BCL6: variants seen among roughly 807,000 people sequenced by gnomAD.
BCL6 encodes BCL6 transcription repressor.
Under a neutral mutation model 59.5 loss-of-function variants are expected in BCL6, and 7 were observed. The observed-to-expected ratio is 0.12, with a 90% CI of 0.07 to 0.22. The LOEUF is 0.22. Among genes scored for constraint, BCL6 ranks in the 10% least tolerant of loss-of-function variants. The pLI is 1.00. For missense variants in BCL6, 685 were observed against 939.4 expected (o/e 0.73, Z 3.54); for synonymous variants, 339 against 349.7 (o/e 0.97, Z 0.34).
At chr3:187,722,735 A>G in intron 9 of BCL6, 134 bp from the exon 10 acceptor site, 1 of 1,101,208 alleles carries the variant, frequency 9.1e-7, no homozygotes, top group Non-Finnish European at 1.3e-6. Context: ...CAGGTGAAGA[A>G]CCCATATGCA....
intron 9 of BCL6, 85 bp downstream of exon 9, chr3:187,724,856 C>T: frequency 3.8e-6 from 6 of 1,569,864 alleles, no homozygotes; most frequent in Non-Finnish European, 5.2e-6. Flanking sequence ...TGCCTCCCTG[C>T]TCCACCTCCT....
At chr3:187,727,004 A>C (rs1172163557) in intron 6 of BCL6, 106 bp from the exon 7 acceptor site, 12 of 1,303,758 alleles carry the variant, frequency 9.2e-6, no homozygotes, top group Non-Finnish European at 1.3e-5. Flanking sequence ...CTGAACTCTC[A>C]GTCCCTCACT....
Position 187,726,873 on chromosome 3 carries a change from C to G in BCL6, c.1566G>C (p.Glu522Asp), listed in dbSNP as rs199997559. Residue 522 changes from glutamate to aspartate, a missense_variant, in exon 7 of 10, where the codon GAG becomes GAC. Transcript: ENST00000406870. ...SCENGAFFCN[E>D]CDCRFSEEAS... Reference sequence around the variant, plus strand: ...CCTCCTCAGAGAAGCGGCAGTCACACTCATTGCAGAAGAAGGCCCCGTTCT... The same window carrying G: ...CCTCCTCAGAGAAGCGGCAGTCACAGTCATTGCAGAAGAAGGCCCCGTTCT... The G allele has an allele frequency of 1.2e-6, 2 of 1,614,162 alleles. No individual in the cohort carries two copies. Among genetic ancestry groups the G allele is most frequent in the African/African-American group, 2.7e-5 (2 of 75,044 alleles).
chr3:187,726,805 G>A lies in BCL6; in HGVS notation c.1634C>T (p.Pro545Leu). The change falls in exon 7 of 10, where the codon CCC becomes CTC. Residue 545 changes from proline to leucine, a missense_variant. Pro to Leu is a moderately conservative substitution (Grantham distance 98). Coordinates refer to ENST00000406870, the MANE Select transcript of BCL6 (RefSeq NM_001706.5). ...GGCCTGGCAGCGGTCACACTTGTAG[G>A]GTTTGTCACTGTGGGTCTGCAGCGT... ...RHTLQTHSDK[P>L]YKCDRCQASF... The A allele has an allele frequency of 6.2e-7, 1 of 1,614,230 alleles. No individual in the cohort carries two copies. Among genetic ancestry groups the A allele is most frequent in the South Asian group, 1.1e-5 (1 of 91,088 alleles).
rs146354064 is a variant in BCL6 at position 187,742,192 on chromosome 3, G to A, written c.-50+3218C>T. 2.3e-3 allele frequency among the ~76,000 whole-genome samples: 354 copies of A among 152,126 alleles called. 2 individuals carry two copies. Among genetic ancestry groups the A allele is most frequent in the African/African-American group, 8.3e-3 (343 of 41,478 alleles). Reference sequence around the variant, plus strand: ...ACTTTTGCCAATAGTTTCACCCACCGAGGGGTGGCGCTGCTGCACCGCCTC... The same window carrying A: ...ACTTTTGCCAATAGTTTCACCCACCAAGGGGTGGCGCTGCTGCACCGCCTC... On this transcript the variant is annotated intron_variant, in intron 1 of 9. Transcript: ENST00000406870.
Position 187,725,475 on chromosome 3 carries a change from C to CGCTCGCCTGCCCACTCT in BCL6, c.1839+7_1839+23dup, listed in dbSNP as rs1560147473. ...GCCCGCTCCGCTCGCCTGCCCGCTC[C>CGCTCGCCTGCCCACTCT]GCTCGCCTGCCCACTCTGCTCACCT... On this transcript the variant is annotated intron_variant, in intron 8 of 9. Coordinates refer to ENST00000406870, the MANE Select transcript of BCL6 (RefSeq NM_001706.5). The surrounding 1 kb of genome is among the most constrained non-coding windows in gnomAD (Gnocchi z 4.7). The CGCTCGCCTGCCCACTCT allele has an allele frequency of 1.6e-6, 2 of 1,235,068 alleles. No homozygotes were observed. The highest frequency in any genetic ancestry group is 1.1e-6 in the Non-Finnish European group (1 of 904,506). 76.5% of individuals were successfully genotyped at this position (1,235,068 alleles called of 1,614,324 possible). A position where few individuals can be genotyped will look rare whatever the true frequency, so the allele number is the denominator to read the frequency against.
At chr3:187,742,691 C>A (rs1711651847) in intron 1 of BCL6, among the ~76,000 whole-genome samples, 1 of 152,056 alleles carries the variant, frequency 6.6e-6, no homozygotes, top group South Asian at 2.1e-4. Flanking sequence ...TTGCCATCTA[C>A]AGGTTTCTAT....
At chr3:187,744,828 G>A (rs148932597) in intron 1 of BCL6, among the ~76,000 whole-genome samples, 3 of 152,198 alleles carry the variant, frequency 2.0e-5, no homozygotes, top group Admixed American at 6.5e-5. Flanking sequence ...AAAGCAGTTT[G>A]CAAGCGAGAA....
intron 6 of BCL6, among the ~76,000 whole-genome samples, chr3:187,727,207 T>C (rs1282532654): frequency 6.6e-6 from 1 of 152,220 alleles, no homozygotes; most frequent in African/African-American, 2.4e-5. Context: ...AGATTTTCTT[T>C]CCCCAAGAGC....
At chr3:187,741,441 G>A (rs909109966) in intron 1 of BCL6, among the ~76,000 whole-genome samples, 14 of 152,268 alleles carry the variant, frequency 9.2e-5, no homozygotes, top group South Asian at 4.2e-4. Flanking sequence ...GAGGAAAGGG[G>A]CGCTGGGGGC....
At position 187,729,777 on chromosome 3, in the gene BCL6, C is replaced by G. The variant is rs151194132; in HGVS notation, c.628G>C (p.Asp210His). 1 of 1,614,108 alleles carries G rather than the reference C, an allele frequency of 6.2e-7. No individual in the cohort carries two copies. Among genetic ancestry groups the G allele is most frequent in the Non-Finnish European group, 8.5e-7 (1 of 1,180,028 alleles). Residue 210 changes from aspartate (D) to histidine (H), a missense_variant, in exon 5 of 10, where the codon GAT becomes CAT. Around this residue, in one of 7 missense-constraint regions of BCL6, gnomAD observed 268 missense variants for 263.8 expected, o/e 1.02. Transcript: ENST00000406870. The surrounding 1 kb of genome is among the most constrained non-coding windows in gnomAD (Gnocchi z 5.6). ...HLPVSSLLFS[D>H]EEFRDVRMPV... ...ATCCGGACATCCCGAAACTCCTCAT[C>G]GGAGAAGAGGAGGCTGCTGACAGGG... is the stretch of plus-strand genomic sequence containing the variant.
At chr3:187,730,147 G>A in intron 4 of BCL6, 126 bp from the exon 5 acceptor site, 2 of 1,308,780 alleles carry the variant, frequency 1.5e-6, no homozygotes, top group Non-Finnish European at 2.0e-6. Flanking sequence ...ACGTGGCTCT[G>A]GAGCAGGGAA....
At chr3:187,727,659 A>G (rs145666953) in intron 6 of BCL6, among the ~76,000 whole-genome samples, 9 of 152,348 alleles carry the variant, frequency 5.9e-5, no homozygotes, top group African/African-American at 1.7e-4. Context: ...CTATGGGTCC[A>G]TGACCCTGTG....
rs1446974600 is a variant in BCL6 at position 187,721,639 on chromosome 3, CGTT to C, written c.*816_*818del. 1.3e-5 allele frequency: 3 copies of C among 232,862 alleles called. No individual in the cohort carries two copies. Among genetic ancestry groups the C allele is most frequent in the Non-Finnish European group, 2.6e-5 (3 of 117,570 alleles). The allele number at this position is 232,862 out of a possible 1,614,324, so 14.4% of individuals were successfully genotyped here. ...CGTGAAAAAAGGCACCGTGAGGACA[CGTT>C]GTACGGGTATATACAAACTGAAAAC... On this transcript the variant is annotated 3_prime_UTR_variant, in exon 10 of 10. Transcript: ENST00000406870. The surrounding 1 kb of genome is among the most constrained non-coding windows in gnomAD (Gnocchi z 4.2).
intron 2 of BCL6, 78 bp downstream of exon 2, chr3:187,734,791 A>C (rs1480299637): frequency 1.3e-5 from 2 of 152,698 alleles, no homozygotes; most frequent in African/African-American, 4.8e-5. Context: ...GGCAAAGTTC[A>C]CAGAGACACA....
At chr3:187,743,652 G>A (rs1456948549) in intron 1 of BCL6, among the ~76,000 whole-genome samples, 1 of 151,954 alleles carries the variant, frequency 6.6e-6, no homozygotes, top group Non-Finnish European at 1.5e-5. Context: ...TAAAGGCAAC[G>A]CAACCCACAG....
Position 187,722,437 on chromosome 3 carries a change from A to G in BCL6, c.*21T>C, listed in dbSNP as rs1718467516. ...AGATTCTGAGAAGGGGCTGGAGACG[A>G]AAGCATCAACACTCCATGCTTCAGC... On this transcript the variant is annotated 3_prime_UTR_variant, in exon 10 of 10. Coordinates refer to ENST00000406870, the MANE Select transcript of BCL6 (RefSeq NM_001706.5). The G allele has an allele frequency of 1.2e-6, 2 of 1,603,748 alleles. No homozygotes were observed. The highest frequency in any genetic ancestry group is 2.7e-5 in the African/African-American group (2 of 74,428).
At chr3:187,745,273 T>C (rs922677782) in intron 1 of BCL6, 137 bp downstream of exon 1, 5 of 398,212 alleles carry the variant, frequency 1.3e-5, no homozygotes, top group Admixed American at 8.8e-5. Context: ...AGCCAAAGCA[T>C]TTGGCAAGAG....
In BCL6 at chr3:187,726,913, TA is replaced by T. The variant is rs755137875; in HGVS notation, c.1541-16del. ...GGCCCCGTTCTCTGTTGGAGGGTGG[TA>T]GGGGGACACCAAAGTCAGCACGAGG... is the stretch of plus-strand genomic sequence containing the variant. On this transcript the variant is annotated splice_polypyrimidine_tract_variant and intron_variant, in intron 6 of 9. Coordinates refer to ENST00000406870, the MANE Select transcript of BCL6 (RefSeq NM_001706.5). The T allele has an allele frequency of 2.5e-6, 4 of 1,613,584 alleles. No homozygotes were observed. The highest frequency in any genetic ancestry group is 3.4e-6 in the Non-Finnish European group (4 of 1,179,706).
Sources: allele counts gnomAD v4.1 joint callset (sites outside exome capture counted in the v4.1 genomes callset), GRCh38; gene constraint gnomAD v4.1.1; regional missense constraint gnomAD v4.1.1; non-coding constraint Gnocchi (gnomAD v3.1); transcripts MANE v1.5; gene names NCBI Gene and HGNC (gene_info 2026-07-23, HGNC 2026-07-21).